RUSF1: variants seen among roughly 807,000 people sequenced by gnomAD.
RUSF1 encodes RUS family member 1, also known as RUS1 family protein C16orf58.
A neutral mutation model predicts 63.0 loss-of-function variants in RUSF1; 58 were observed. That is an observed-to-expected ratio of 0.92 (90% CI 0.75 to 1.15). RUSF1 has a LOEUF of 1.15. Among genes scored for constraint, RUSF1 ranks in the 50% most tolerant of loss-of-function variants. RUSF1 has a pLI of 0.00. For missense variants in RUSF1, 652 were observed against 611.0 expected (o/e 1.07, Z -0.71); for synonymous variants, 274 against 255.8 (o/e 1.07, Z -0.68).
intron 12 of RUSF1, 28 bp downstream of exon 12, chr16:31,491,981 C>G (rs750787528): frequency 1.2e-6 from 2 of 1,612,830 alleles, no homozygotes; most frequent in South Asian, 2.2e-5. Flanking sequence ...CTTCAGGGGC[C>G]AAGCAGCCAT....
intron 6 of RUSF1, among the ~76,000 whole-genome samples, chr16:31,495,993 A>C (rs1285944189): frequency 6.6e-6 from 1 of 152,182 alleles, no homozygotes; most frequent in Admixed American, 6.5e-5. Flanking sequence ...TGTCAAAGAA[A>C]ACCATCTCAC....
chr16:31,495,305 G>A (rs570606105), intron 6 of RUSF1, among the ~76,000 whole-genome samples: 3 of 152,148 alleles, frequency 2.0e-5, no homozygotes, highest in Non-Finnish European at 4.4e-5. Context: ...AGCCCTCCTG[G>A]GAAGGGCATA....
chr16:31,494,029 C>T lies in RUSF1; in HGVS notation c.703-93G>A, dbSNP rs754783497. ...CTTTCACCTCATCCTCCCTGCTCCA[C>T]AACCTCCCAGGGCTCCTTACTGCAA... is the stretch of plus-strand genomic sequence containing the variant. On this transcript the variant is annotated intron_variant, in intron 6 of 12. Transcript: ENST00000327237. 9.6e-5 allele frequency: 130 copies of T among 1,357,438 alleles called. No homozygotes were observed. The Middle Eastern group carries it at 1.3e-3, about 13-fold the overall frequency. 84.1% of individuals were successfully genotyped at this position (1,357,438 alleles called of 1,614,324 possible). A position where few individuals can be genotyped will look rare whatever the true frequency, so the allele number is the denominator to read the frequency against.
At chr16:31,493,828 C>A (rs2082588456) in intron 7 of RUSF1, 38 bp downstream of exon 7, 1 of 1,614,050 alleles carries the variant, frequency 6.2e-7, no homozygotes, top group Non-Finnish European at 8.5e-7. Flanking sequence ...GGCAGAGGCC[C>A]AGCTGGGGTT....
intron 3 of RUSF1, among the ~76,000 whole-genome samples, chr16:31,500,050 C>A (rs1271239947): frequency 6.6e-6 from 1 of 152,174 alleles, no homozygotes; most frequent in East Asian, 1.9e-4. Context: ...TTCTGTTACA[C>A]AACACCGTGG....
chr16:31,500,020 G>A (rs1377806267), intron 3 of RUSF1, among the ~76,000 whole-genome samples: 1 of 152,150 alleles, frequency 6.6e-6, no homozygotes, highest in Non-Finnish European at 1.5e-5. Context: ...GCCGGGCTCC[G>A]ACATCCAGGC....
intron 5 of RUSF1, among the ~76,000 whole-genome samples, chr16:31,498,377 G>A (rs1236365156): frequency 2.0e-5 from 3 of 152,158 alleles, no homozygotes; most frequent in East Asian, 1.9e-4. Context: ...AGGGGTGCTC[G>A]TAGCATTTAG....
chr16:31,493,271 A>T, intron 9 of RUSF1, 196 bp downstream of exon 9: 1 of 884,288 alleles, frequency 1.1e-6, no homozygotes, highest in Non-Finnish European at 1.8e-6. Context: ...TTCACCCATC[A>T]AGCACATCTC....
At position 31,496,944 on chromosome 16, in the gene RUSF1, C is replaced by T. The variant is rs767288644; in HGVS notation, c.607G>A (p.Val203Met). Residue 203 changes from valine (V) to methionine (M), a missense_variant, in exon 6 of 13, where the codon GTG (valine) becomes ATG (methionine). Val to Met is a conservative substitution (Grantham distance 21). Transcript: ENST00000327237. ...CGAGTGGCCCCACCAGCAACACTCA[C>T]GATGCACTGGGTGGGAGGGGAAGAG... ...VSTSNLAKCI[V>M]SVAGGATRAA... 1.5e-5 allele frequency: 24 copies of T among 1,605,266 alleles called. No homozygotes were observed. The highest frequency in any genetic ancestry group is 2.7e-5 in the African/African-American group (2 of 74,802).
chr16:31,500,784 G>T, intron 2 of RUSF1, 53 bp from the exon 3 acceptor site: 1 of 1,571,240 alleles, frequency 6.4e-7, no homozygotes, highest in South Asian at 1.2e-5. Flanking sequence ...GGGAGCTGTG[G>T]GGCCTGGCAG....
Position 31,494,712 on chromosome 16 carries a change from C to CT in RUSF1, c.703-777dup, listed in dbSNP as rs79017975. ...ACACTCAGGCACTCACTAATGTGTA[C>CT]TTTTTTTTTTTTTTAAAGAGCGAGG... On this transcript the variant is annotated intron_variant, in intron 6 of 12. Coordinates refer to ENST00000327237, the MANE Select transcript of RUSF1 (RefSeq NM_022744.4). 6.7e-3 allele frequency among the ~76,000 whole-genome samples: 953 copies of CT among 142,714 alleles called. 6 individuals carry two copies. Among genetic ancestry groups the CT allele is most frequent in the African/African-American group, 0.02 (790 of 39,108 alleles). 93.6% of individuals were successfully genotyped at this position (142,714 alleles called of 152,430 possible). A position where few individuals can be genotyped will look rare whatever the true frequency, so the allele number is the denominator to read the frequency against.
At chr16:31,499,591 G>T in intron 3 of RUSF1, 66 bp from the exon 4 acceptor site, 1 of 1,468,962 alleles carries the variant, frequency 6.8e-7, no homozygotes, top group Non-Finnish European at 9.2e-7. Flanking sequence ...GGCAGTGTGG[G>T]GAGTCTTGGA....
rs772256992 is a variant in RUSF1, at chr16:31,496,815, C to G, written c.702+34G>C. 7 of 1,506,824 alleles carry G rather than the reference C, an allele frequency of 4.6e-6. No homozygotes were observed. In the South Asian group the frequency reaches 6.3e-5, roughly 14 times the overall value. 93.3% of individuals were successfully genotyped at this position (1,506,824 alleles called of 1,614,324 possible). On this transcript the variant is annotated intron_variant, in intron 6 of 12. Transcript: ENST00000327237. ...GTGGCTTCTCTCCCCTTCCCCTCCC[C>G]ACTCCACGCCCTCCCTCCAGCTCTG...
chr16:31,507,400 T>A (rs2082665461), intron 2 of RUSF1, among the ~76,000 whole-genome samples: 1 of 152,226 alleles, frequency 6.6e-6, no homozygotes, highest in Non-Finnish European at 1.5e-5. Flanking sequence ...TATCTTTTTT[T>A]TCTGGAGCTC....
intron 10 of RUSF1, 71 bp from the exon 11 acceptor site, chr16:31,492,411 T>A (rs1248401720): frequency 5.5e-6 from 8 of 1,463,032 alleles, no homozygotes; most frequent in Non-Finnish European, 7.2e-6. Flanking sequence ...CCCATCACCC[T>A]GCTTCCCCTG....
chr16:31,506,778 GACT>G (rs916325768), intron 2 of RUSF1, among the ~76,000 whole-genome samples: 1 of 151,958 alleles, frequency 6.6e-6, no homozygotes, highest in South Asian at 2.1e-4. Context: ...GTGACAGTGA[GACT>G]ACGAGTCTGG....
intron 3 of RUSF1, among the ~76,000 whole-genome samples, chr16:31,499,915 T>C (rs562672488): frequency 2.6e-5 from 4 of 152,178 alleles, no homozygotes; most frequent in South Asian, 2.1e-4. Flanking sequence ...AAACATCACA[T>C]TGAGTGTGTA....
chr16:31,497,600 G>A (rs1338048577), intron 5 of RUSF1, among the ~76,000 whole-genome samples: 1 of 152,214 alleles, frequency 6.6e-6, no homozygotes, highest in African/African-American at 2.4e-5. Context: ...ACCTCCCAAA[G>A]TGCTGGGATT....
At chr16:31,491,376 G>GT (rs2082566982) in intron 12 of RUSF1, among the ~76,000 whole-genome samples, 1 of 150,146 alleles carries the variant, frequency 6.7e-6, no homozygotes, top group South Asian at 2.1e-4. Flanking sequence ...CTGGGGTACA[G>GT]TGACACAATC....
Sources: gnomAD v4.1 joint callset for allele counts (sites outside exome capture counted in the v4.1 genomes callset) on GRCh38, gnomAD v4.1.1 for gene constraint, MANE v1.5 for transcripts, NCBI Gene and HGNC (gene_info 2026-07-23, HGNC 2026-07-21) for gene names.